The following ZDHHC20 variants were observed in gnomAD, a reference collection of about 807,000 sequenced individuals.
ZDHHC20 encodes palmitoyltransferase ZDHHC20.
A neutral mutation model predicts 57.8 loss-of-function variants in ZDHHC20; 43 were observed. The observed-to-expected ratio is 0.74, with a 90% CI of 0.58 to 0.96. The LOEUF (loss-of-function observed/expected upper bound fraction) is 0.96, where lower values mean the gene tolerates loss of function less well. Among genes scored for constraint, ZDHHC20 ranks in the 40% least tolerant of loss-of-function variants. The pLI is 0.00. For synonymous variants in ZDHHC20, 157 were observed against 153.0 expected (o/e 1.03, Z -0.19); for missense variants, 391 against 441.1 (o/e 0.89, Z 1.02).
intron 11 of ZDHHC20, among the ~76,000 whole-genome samples, chr13:21,380,146 C>T (rs1452201943): frequency 3.4e-5 from 5 of 148,696 alleles, no homozygotes; most frequent in Non-Finnish European, 5.9e-5. Context: ...GATGGAGTCT[C>T]ACTCTGTCAC....
chr13:21,394,995 CCTAA>C (rs1165451985), intron 7 of ZDHHC20, among the ~76,000 whole-genome samples: 1 of 152,014 alleles, frequency 6.6e-6, no homozygotes, highest in Non-Finnish European at 1.5e-5. Context: ...TTATATTCTT[CCTAA>C]CTATGAGTAG....
At chr13:21,447,490 G>A (rs1883864420) in intron 1 of ZDHHC20, among the ~76,000 whole-genome samples, 1 of 145,796 alleles carries the variant, frequency 6.9e-6, no homozygotes, top group African/African-American at 2.5e-5. Context: ...GGCTGTGTTG[G>A]CCGGGCCGGT....
At chr13:21,440,184 G>A (rs1883000658) in intron 1 of ZDHHC20, among the ~76,000 whole-genome samples, 2 of 151,004 alleles carry the variant, frequency 1.3e-5, no homozygotes, top group Non-Finnish European at 2.9e-5. Context: ...ATTTCAGAGA[G>A]AGAATGAGTG....
At chr13:21,386,110 T>G (rs1293102202) in intron 9 of ZDHHC20, among the ~76,000 whole-genome samples, 1 of 152,134 alleles carries the variant, frequency 6.6e-6, no homozygotes, top group Non-Finnish European at 1.5e-5. Flanking sequence ...CTTGAATACA[T>G]GAGACAATGG....
chr13:21,372,729 G>A lies in ZDHHC20; in HGVS notation c.*3967C>T, dbSNP rs1871402101. 6.6e-6 allele frequency: 1 copy of A among 152,110 alleles called. No homozygotes were observed. The highest frequency in any genetic ancestry group is 1.5e-5 in the Non-Finnish European group (1 of 67,978). 9.4% of individuals were successfully genotyped at this position (152,110 alleles called of 1,614,324 possible). Reference sequence around the variant, plus strand: ...TCACAGGCTAGGATTATACAAATAAGAACAAACACAAGGCTTATGGTACTT... The same window carrying A: ...TCACAGGCTAGGATTATACAAATAAAAACAAACACAAGGCTTATGGTACTT... On this transcript the variant is annotated 3_prime_UTR_variant, in exon 13 of 13. Transcript: ENST00000400590.
At chr13:21,423,734 A>C (rs1008243271) in intron 2 of ZDHHC20, among the ~76,000 whole-genome samples, 3 of 150,988 alleles carry the variant, frequency 2.0e-5, no homozygotes, top group African/African-American at 7.3e-5. Context: ...ATTACATATA[A>C]TTGCTTCATT....
chr13:21,452,193 T>TG (rs1884507639), intron 1 of ZDHHC20, among the ~76,000 whole-genome samples: 1 of 151,856 alleles, frequency 6.6e-6, no homozygotes, highest in South Asian at 2.1e-4. Flanking sequence ...TGCCTTGGGC[T>TG]GGGGGTGGGA....
rs1202940674 is a variant in ZDHHC20 at position 21,458,752 on chromosome 13, C to G, written c.118+302G>C. ...CTACTCCCGTTCTGCACGTTCCTTCCCAGAAGGATGCAGACCCCCGGTGTC... is the reference window on the plus strand; with the variant it reads ...CTACTCCCGTTCTGCACGTTCCTTCGCAGAAGGATGCAGACCCCCGGTGTC... On this transcript the variant is annotated intron_variant, in intron 1 of 12. Coordinates refer to ENST00000400590, the MANE Select transcript of ZDHHC20 (RefSeq NM_001330059.2). 2.0e-5 allele frequency among the ~76,000 whole-genome samples: 3 copies of G among 152,332 alleles called. No homozygotes were observed. The East Asian group carries it at 5.8e-4, about 29-fold the overall frequency.
At chr13:21,423,119 T>C (rs964618564) in intron 2 of ZDHHC20, among the ~76,000 whole-genome samples, 3 of 152,176 alleles carry the variant, frequency 2.0e-5, no homozygotes, top group African/African-American at 7.2e-5. Flanking sequence ...AAATCCAAGG[T>C]TCTTTTCACT....
chr13:21,445,837 T>C (rs182258126), intron 1 of ZDHHC20, among the ~76,000 whole-genome samples: 46 of 152,014 alleles, frequency 3.0e-4, no homozygotes, highest in Admixed American at 1.4e-3. Flanking sequence ...AAATGCAGGG[T>C]GAGGAGACTA....
At chr13:21,426,827 G>C (rs1463708883) in intron 1 of ZDHHC20, among the ~76,000 whole-genome samples, 7 of 152,026 alleles carry the variant, frequency 4.6e-5, no homozygotes, top group Non-Finnish European at 1.0e-4. Context: ...GGCTGGTCTC[G>C]AACTCCTGAC....
chr13:21,442,610 C>T (rs902499515), intron 1 of ZDHHC20, among the ~76,000 whole-genome samples: 4 of 152,146 alleles, frequency 2.6e-5, no homozygotes, highest in Admixed American at 1.3e-4. Context: ...CAAAAATTAG[C>T]TGGGTGTGGT....
intron 1 of ZDHHC20, among the ~76,000 whole-genome samples, chr13:21,426,253 C>A (rs1881234986): frequency 6.6e-6 from 1 of 152,152 alleles, no homozygotes; most frequent in Non-Finnish European, 1.5e-5. Context: ...ATGAATAAAG[C>A]CAACAACCAC....
chr13:21,412,557 T>A (rs190984938), intron 4 of ZDHHC20, among the ~76,000 whole-genome samples: 1 of 151,970 alleles, frequency 6.6e-6, no homozygotes, highest in African/African-American at 2.4e-5. Flanking sequence ...GAAGACAGAA[T>A]GACAAAACGC....
At chr13:21,433,544 A>G (rs764547302) in intron 1 of ZDHHC20, among the ~76,000 whole-genome samples, 8 of 150,824 alleles carry the variant, frequency 5.3e-5, no homozygotes, top group Non-Finnish European at 1.2e-4. Context: ...GTGAACCCAG[A>G]AGGCGGAGCT....
At chr13:21,439,489 AACAGAGTGATG>A (rs1882901501) in intron 1 of ZDHHC20, among the ~76,000 whole-genome samples, 1 of 152,086 alleles carries the variant, frequency 6.6e-6, no homozygotes, top group Non-Finnish European at 1.5e-5. Context: ...TCTGCACTGC[AACAGAGTGATG>A]ACAGAGTGAT....
chr13:21,376,630 T>G lies in ZDHHC20; in HGVS notation c.*66A>C. 1 of 1,389,302 alleles carries G rather than the reference T, an allele frequency of 7.2e-7. No homozygotes were observed. The highest frequency in any genetic ancestry group is 1.4e-5 in the South Asian group (1 of 71,762). 86.1% of individuals were successfully genotyped at this position (1,389,302 alleles called of 1,614,324 possible). A position where few individuals can be genotyped will look rare whatever the true frequency, so the allele number is the denominator to read the frequency against. On this transcript the variant is annotated 3_prime_UTR_variant, in exon 13 of 13. Coordinates refer to ENST00000400590, the MANE Select transcript of ZDHHC20 (RefSeq NM_001330059.2). ...TTTTCTTGCAAATGAAAATTGAAAA[T>G]ACCAGTCTATAATGTTTTCATACAC...
At position 21,412,525 on chromosome 13, in the gene ZDHHC20, C is replaced by T. The variant is rs924669228; in HGVS notation, c.370+1127G>A. On this transcript the variant is annotated intron_variant, in intron 4 of 12. Coordinates refer to ENST00000400590, the MANE Select transcript of ZDHHC20 (RefSeq NM_001330059.2). The stretch of plus-strand genomic sequence containing the variant: ...ACAGAAGTATAAAACTACTGAAAAA[C>T]ACAAAGAGGAAAGCGTTTCAAGAAG... Among the ~76,000 whole-genome samples, 8 of 152,054 alleles carry T rather than the reference C, an allele frequency of 5.3e-5. No homozygotes were observed. The East Asian group carries it at 1.5e-3, about 29-fold the overall frequency.
intron 6 of ZDHHC20, 87 bp from the exon 7 acceptor site, chr13:21,400,580 C>G (rs1351069915): frequency 7.1e-7 from 1 of 1,399,430 alleles, no homozygotes; most frequent in Non-Finnish European, 9.6e-7. Context: ...CTGCCAGGGG[C>G]TGGTGTGGTG....
Sources: allele counts gnomAD v4.1 joint callset (sites outside exome capture counted in the v4.1 genomes callset), GRCh38; gene constraint gnomAD v4.1.1; transcripts MANE v1.5; gene names NCBI Gene and HGNC (gene_info 2026-07-23, HGNC 2026-07-21).